Variants in BANF2 observed in about 807,000 individuals in gnomAD.
BANF2 encodes the protein barrier-to-autointegration factor-like protein.
In BANF2, 4 loss-of-function variants were observed where a neutral mutation model predicts 8.0. The ratio of observed to expected loss-of-function variants is 0.50; its 90% CI spans 0.25 to 1.14. The LOEUF (loss-of-function observed/expected upper bound fraction) is 1.14. BANF2 is among the 50% of genes most tolerant of loss of function. The pLI is 0.16. For missense variants in BANF2, 96 were observed against 107.5 expected, an observed-to-expected ratio of 0.89 and a Z score of 0.47; for synonymous variants, 50 against 40.6, an observed-to-expected ratio of 1.23 and a Z score of -0.88.
chr20:17,725,087 T>C lies in BANF2; in HGVS notation c.62T>C (p.Val21Ala). The C allele has an allele frequency of 1.2e-6, 2 of 1,611,154 alleles. No homozygotes were observed. Among genetic ancestry groups the C allele is most frequent in the South Asian group, 1.1e-5 (1 of 91,030 alleles). ...FLSEPIGEKD[V>A]CWVDGISHEL... is the part of the protein sequence containing the mutation. ...TCCGAACCCATTGGAGAAAAGGATG[T>C]CTGCTGGGTGGATGGCATCAGCCAT... The change falls in exon 3 of 4, where the codon GTC becomes GCC. Residue 21 changes from valine to alanine, a missense_variant. Transcript: ENST00000246090.
intron 1 of BANF2, among the ~76,000 whole-genome samples, chr20:17,694,601 CTTTTTTTTT>C (rs869067650): frequency 3.0e-3 from 79 of 26,776 alleles, no homozygotes; most frequent in African/African-American, 9.4e-3. Context: ...TTTTCTCTCT[CTTTTTTTTT>C]TTTTTTTTTT....
intron 1 of BANF2, among the ~76,000 whole-genome samples, chr20:17,701,038 G>T (rs1323086808): frequency 6.6e-6 from 1 of 152,132 alleles, no homozygotes; most frequent in Non-Finnish European, 1.5e-5. Flanking sequence ...GGTGGTGGGG[G>T]GTGGATCAGA....
At chr20:17,722,172 A>T (rs1284800010) in intron 1 of BANF2, among the ~76,000 whole-genome samples, 3 of 152,194 alleles carry the variant, frequency 2.0e-5, no homozygotes, top group South Asian at 2.1e-4. Flanking sequence ...AGGAGGGCAA[A>T]AGTCACTGCC....
At chr20:17,732,020 C>G (rs996129731) in intron 3 of BANF2, among the ~76,000 whole-genome samples, 5 of 151,278 alleles carry the variant, frequency 3.3e-5, no homozygotes, top group Non-Finnish European at 7.4e-5. Context: ...GAGCCAAGAC[C>G]GTGCCACTGC....
chr20:17,724,679 G>T (rs1600225772), intron 2 of BANF2, among the ~76,000 whole-genome samples: 1 of 152,244 alleles, frequency 6.6e-6, no homozygotes, highest in Non-Finnish European at 1.5e-5. Flanking sequence ...AATTAGCTAA[G>T]AGAAGTAAGT....
intron 3 of BANF2, among the ~76,000 whole-genome samples, chr20:17,728,305 C>T (rs781495110): frequency 6.6e-6 from 1 of 152,166 alleles, no homozygotes; most frequent in African/African-American, 2.4e-5. Context: ...TGTGCACCTG[C>T]TGGAATGCAG....
At chr20:17,710,326 C>A (rs1952071155) in intron 1 of BANF2, among the ~76,000 whole-genome samples, 1 of 152,186 alleles carries the variant, frequency 6.6e-6, no homozygotes, top group Admixed American at 6.5e-5. Flanking sequence ...TTGGAACCAC[C>A]CAGACCTCAG....
chr20:17,694,601 C>CTTT (rs869067650), intron 1 of BANF2, among the ~76,000 whole-genome samples: 454 of 26,714 alleles, frequency 0.017, 8 homozygotes, highest in Middle Eastern at 0.062. Flanking sequence ...TTTTCTCTCT[C>CTTT]TTTTTTTTTT....
At chr20:17,698,786 G>C (rs964108007), upstream of BANF2, among the ~76,000 whole-genome samples, 1 of 152,256 alleles carries the variant, frequency 6.6e-6, no homozygotes, top group Non-Finnish European at 1.5e-5. Flanking sequence ...ACGTGGCTCA[G>C]TTCTGGCAAT....
rs555852176 is a variant in BANF2 at position 17,734,440 on chromosome 20, C to T, written c.127-1225C>T. On this transcript the variant is annotated intron_variant, in intron 3 of 3. Coordinates refer to ENST00000246090, the MANE Select transcript of BANF2 (RefSeq NM_178477.5). ...TTCACTTAATTTAATTTGCAGAGCACACCGTGTGCATTAGGAAGGTGCAGA... is the reference window on the plus strand; with the variant it reads ...TTCACTTAATTTAATTTGCAGAGCATACCGTGTGCATTAGGAAGGTGCAGA... Among the ~76,000 whole-genome samples the T allele has an allele frequency of 2.0e-5, 3 of 152,326 alleles. No homozygotes were observed. In the South Asian group the frequency reaches 6.2e-4, roughly 32 times the overall value.
At chr20:17,698,111 G>A (rs2037365214), upstream of BANF2, among the ~76,000 whole-genome samples, 1 of 152,134 alleles carries the variant, frequency 6.6e-6, no homozygotes, top group Non-Finnish European at 1.5e-5. Context: ...TGGAGGTTGA[G>A]GCAGGAGAAT....
At position 17,722,865 on chromosome 20, in the gene BANF2, G is replaced by A; in HGVS notation, c.-17G>A. 2 of 985,368 alleles carry A rather than the reference G, an allele frequency of 2.0e-6. No individual in the cohort carries two copies. The highest frequency in any genetic ancestry group is 2.4e-6 in the Non-Finnish European group (2 of 829,842). The allele number at this position is 985,368 out of a possible 1,614,324, so 61.0% of individuals were successfully genotyped here. On this transcript the variant is annotated 5_prime_UTR_variant, in exon 2 of 4. Transcript: ENST00000246090. ...GCAAGAAGGCGTACACGAGGAGCTCGACTCTGTAGAAAGGTCTGGAGGAGG... is the reference window on the plus strand; with the variant it reads ...GCAAGAAGGCGTACACGAGGAGCTCAACTCTGTAGAAAGGTCTGGAGGAGG...
upstream of BANF2, among the ~76,000 whole-genome samples, chr20:17,695,029 C>T (rs566500254): frequency 6.6e-6 from 1 of 152,180 alleles, no homozygotes; most frequent in South Asian, 2.1e-4. Flanking sequence ...GGTCATAAAA[C>T]GAGGAAGTAG....
At chr20:17,718,934 G>A (rs2037691636) in intron 1 of BANF2, among the ~76,000 whole-genome samples, 1 of 152,158 alleles carries the variant, frequency 6.6e-6, no homozygotes, top group African/African-American at 2.4e-5. Flanking sequence ...AACTTTTACA[G>A]GACAGGATTA....
intron 3 of BANF2, among the ~76,000 whole-genome samples, chr20:17,728,873 A>G (rs1240187264): frequency 6.6e-6 from 1 of 152,188 alleles, no homozygotes; most frequent in East Asian, 1.9e-4. Context: ...CTAGAAATAT[A>G]AAACACACCC....
chr20:17,705,472 C>T (rs933165131), intron 1 of BANF2, among the ~76,000 whole-genome samples: 2 of 152,178 alleles, frequency 1.3e-5, no homozygotes, highest in Non-Finnish European at 2.9e-5. Flanking sequence ...AATTAGCCAA[C>T]GCATGTTCCA....
chr20:17,727,743 T>C (rs2037829548), intron 3 of BANF2, among the ~76,000 whole-genome samples: 1 of 152,032 alleles, frequency 6.6e-6, no homozygotes, highest in Non-Finnish European at 1.5e-5. Flanking sequence ...TTTTGTTTTG[T>C]TTTTGGTTTT....
chr20:17,730,614 G>A (rs1175468836), intron 3 of BANF2, among the ~76,000 whole-genome samples: 3 of 152,178 alleles, frequency 2.0e-5, no homozygotes, highest in Non-Finnish European at 2.9e-5. Context: ...GCTCAGGGGC[G>A]TCCCATCTCC....
chr20:17,717,446 C>T (rs776844920), intron 1 of BANF2, among the ~76,000 whole-genome samples: 3 of 151,968 alleles, frequency 2.0e-5, no homozygotes, highest in Admixed American at 6.6e-5. Context: ...TTTGAATATA[C>T]GAATCTACAT....
Sources: allele counts gnomAD v4.1 joint callset (sites outside exome capture counted in the v4.1 genomes callset), GRCh38; gene constraint gnomAD v4.1.1; transcripts MANE v1.5; gene names NCBI Gene and HGNC (gene_info 2026-07-23, HGNC 2026-07-21).